Variants in UQCC1 observed in about 807,000 individuals in gnomAD.
UQCC1 encodes ubiquinol-cytochrome c reductase complex assembly factor 1.
UQCC1 carries 38 observed loss-of-function variants against 48.0 expected under a neutral mutation model. The observed-to-expected ratio is 0.79, with a 90% CI of 0.61 to 1.04. The LOEUF (loss-of-function observed/expected upper bound fraction) is 1.04, where lower values mean the gene tolerates loss of function less well. Among genes scored for constraint, UQCC1 ranks in the 50% least tolerant of loss-of-function variants. The pLI, the probability that UQCC1 is intolerant of heterozygous loss-of-function variation, is 0.00. For missense variants in UQCC1, 368 were observed against 381.8 expected (o/e 0.96, Z 0.30); for synonymous variants, 111 against 129.2 (o/e 0.86, Z 0.95).
At chr20:35,402,613 A>T (rs191727541) in intron 1 of UQCC1, among the ~76,000 whole-genome samples, 92 of 113,174 alleles carry the variant, frequency 8.1e-4, no homozygotes, top group African/African-American at 2.8e-3. Context: ...ACAAACAAAC[A>T]AAATATATAT....
chr20:35,397,932 T>C (rs1186060193), intron 1 of UQCC1, among the ~76,000 whole-genome samples: 4 of 152,228 alleles, frequency 2.6e-5, no homozygotes, highest in Non-Finnish European at 5.9e-5. Flanking sequence ...TAATGAGCAT[T>C]TGATGGCAGG....
At chr20:35,346,841 T>C (rs1600916240) in intron 7 of UQCC1, 1 of 724,570 alleles carries the variant, frequency 1.4e-6, no homozygotes, top group East Asian at 2.7e-5. Context: ...AAAGGTATAG[T>C]ATCCTTAACT....
Position 35,338,871 on chromosome 20 carries a change from A to AT in UQCC1, c.573+8292_573+8293insA, listed in dbSNP as rs2061343340. Among the ~76,000 whole-genome samples the AT allele has an allele frequency of 3.3e-4, 22 of 65,890 alleles. 1 individual carries two copies. Among genetic ancestry groups the AT allele is most frequent in the Non-Finnish European group, 4.4e-4 (17 of 38,844 alleles). The allele number at this position is 65,890 out of a possible 152,430, so 43.2% of individuals were successfully genotyped here. On this transcript the variant is annotated intron_variant, in intron 7 of 9. Coordinates refer to ENST00000374385, the MANE Select transcript of UQCC1 (RefSeq NM_018244.5). The stretch of plus-strand genomic sequence containing the variant: ...CGTCTCAAAAGAAAAAAAAAAAAAA[A>AT]AAAAAAAAAAAAAAAAAAAAAATAT...
chr20:35,343,969 A>G (rs1424916852), intron 7 of UQCC1: 1 of 152,240 alleles, frequency 6.6e-6, no homozygotes, highest in African/African-American at 2.4e-5. Context: ...ATCCAAATAG[A>G]AAAAACGGCT....
chr20:35,410,704 C>CAAAAAAAAAAAAAAAAAAAAAAA (rs1183843739), intron 1 of UQCC1, among the ~76,000 whole-genome samples: 31 of 2,708 alleles, frequency 0.011, 11 homozygotes, highest in East Asian at 0.036. Context: ...GACTCTGCCT[C>CAAAAAAAAAAAAAAAAAAAAAAA]AAAAAAAAAA....
intron 7 of UQCC1, among the ~76,000 whole-genome samples, chr20:35,338,712 G>A (rs2061339898): frequency 6.6e-6 from 1 of 150,636 alleles, no homozygotes; most frequent in Non-Finnish European, 1.5e-5. Context: ...TGGCATGGTG[G>A]CATGAGCCTG....
At position 35,357,202 on chromosome 20, in the gene UQCC1, T is replaced by C. The variant is rs548912709; in HGVS notation, c.464+9355A>G. On this transcript the variant is annotated intron_variant, in intron 6 of 9. Coordinates refer to ENST00000374385, the MANE Select transcript of UQCC1 (RefSeq NM_018244.5). ...GAGTTCGAGACCAGCCTGGACAACA[T>C]GACGAAACCTCATCTCTATAAAAAA... is the stretch of plus-strand genomic sequence containing the variant. 2.0e-5 allele frequency among the ~76,000 whole-genome samples: 3 copies of C among 151,876 alleles called. No individual in the cohort carries two copies. The East Asian group carries it at 5.8e-4, about 29-fold the overall frequency.
At chr20:35,310,785 T>C (rs1273315998) in intron 8 of UQCC1, among the ~76,000 whole-genome samples, 1 of 138,632 alleles carries the variant, frequency 7.2e-6, no homozygotes, top group African/African-American at 2.7e-5. Flanking sequence ...CTCCACCTCC[T>C]GGGTTCATGC....
chr20:35,382,512 C>CTTTTTTTTTTTTTTTTTTTT (rs1162371421), intron 3 of UQCC1, among the ~76,000 whole-genome samples: 2 of 108,284 alleles, frequency 1.8e-5, no homozygotes, highest in Admixed American at 9.2e-5. Flanking sequence ...TTTCTTTTTT[C>CTTTTTTTTTTTTTTTTTTTT]TTTTTTTTTT....
At chr20:35,350,421 G>A (rs928727575) in intron 6 of UQCC1, among the ~76,000 whole-genome samples, 10 of 152,202 alleles carry the variant, frequency 6.6e-5, no homozygotes, top group Non-Finnish European at 1.0e-4. Context: ...ACATGACCAG[G>A]TGCAGTGGCT....
rs767819743 is a variant in UQCC1 at position 35,394,094 on chromosome 20, G to C, written c.127C>G (p.Gln43Glu). The C allele has an allele frequency of 6.2e-7, 1 of 1,612,736 alleles. No individual in the cohort carries two copies. Among genetic ancestry groups the C allele is most frequent in the Admixed American group, 1.7e-5 (1 of 60,006 alleles). The change falls in exon 2 of 10, where the codon CAG (glutamine) becomes GAG (glutamate). Residue 43 changes from glutamine to glutamate, a missense_variant and splice_region_variant. Coordinates refer to ENST00000374385, the MANE Select transcript of UQCC1 (RefSeq NM_018244.5). ...QGDRALSRTS[Q>E]WPQMSQSRAC... ...AGCAAAAGAACAACAAATCTTACCT[G>C]GGAAGTGCGAGACAGAGCCCTGTCC...
intron 6 of UQCC1, among the ~76,000 whole-genome samples, chr20:35,365,776 A>G (rs78599247): frequency 0.018 from 2,673 of 152,268 alleles, 79 homozygotes; most frequent in African/African-American, 0.062. Flanking sequence ...CAAAAAGTAT[A>G]TAGTAGTCAG....
chr20:35,365,522 T>G (rs2061656180), intron 6 of UQCC1, among the ~76,000 whole-genome samples: 1 of 151,922 alleles, frequency 6.6e-6, no homozygotes, highest in Non-Finnish European at 1.5e-5. Flanking sequence ...ATGGGCGTGG[T>G]GGTGGGCTCC....
chr20:35,404,601 GCACA>G (rs2062222404), intron 1 of UQCC1, among the ~76,000 whole-genome samples: 4 of 150,942 alleles, frequency 2.7e-5, no homozygotes, highest in Admixed American at 1.3e-4. Context: ...CACCATCATG[GCACA>G]TGTATACATA....
chr20:35,334,532 G>A (rs1215955501), intron 7 of UQCC1, among the ~76,000 whole-genome samples: 2 of 152,084 alleles, frequency 1.3e-5, no homozygotes, highest in African/African-American at 4.8e-5. Flanking sequence ...TAACTCAAAT[G>A]TCATCTATTC....
rs749615082 is a variant in UQCC1, at chr20:35,303,977, G to A, written c.858C>T (p.Ile286=). ...RPLVEKNPQS[I]LKPHSPTYND... is the part of the protein sequence containing the mutation. ...TGTAAGTCGGAGAATGGGGCTTCAG[G>A]ATGCTCTGAGGATTCTTCTCCACTA... The change falls in exon 10 of 10, where the codon ATC becomes ATT. Residue 286 remains isoleucine, a synonymous_variant. Coordinates refer to ENST00000374385, the MANE Select transcript of UQCC1 (RefSeq NM_018244.5). 6.2e-7 allele frequency: 1 copy of A among 1,614,156 alleles called. No individual in the cohort carries two copies. Among genetic ancestry groups the A allele is most frequent in the Non-Finnish European group, 8.5e-7 (1 of 1,180,020 alleles).
intron 6 of UQCC1, among the ~76,000 whole-genome samples, chr20:35,350,388 G>A (rs549721070): frequency 3.4e-4 from 51 of 152,232 alleles, no homozygotes; most frequent in African/African-American, 1.2e-3. Context: ...GTGGGAACTC[G>A]GGTATCTGAC....
At chr20:35,387,168 C>T (rs2061954935) in intron 2 of UQCC1, among the ~76,000 whole-genome samples, 1 of 151,918 alleles carries the variant, frequency 6.6e-6, no homozygotes, top group Non-Finnish European at 1.5e-5. Flanking sequence ...TGCCTGTAAT[C>T]CCAGCTACTC....
chr20:35,328,016 A>G (rs2061215983), intron 7 of UQCC1, among the ~76,000 whole-genome samples: 1 of 151,618 alleles, frequency 6.6e-6, no homozygotes, highest in Non-Finnish European at 1.5e-5. Flanking sequence ...AAAAGGAAAA[A>G]AAAAAAAAAA....
Sources: gnomAD v4.1 joint callset for allele counts (sites outside exome capture counted in the v4.1 genomes callset) on GRCh38, gnomAD v4.1.1 for gene constraint, MANE v1.5 for transcripts, NCBI Gene and HGNC (gene_info 2026-07-23, HGNC 2026-07-21) for gene names.